The following ZC3H12C variants were observed in gnomAD, a reference collection of about 807,000 sequenced individuals.
ZC3H12C encodes zinc finger CCCH-type containing 12C.
Under a neutral mutation model 76.3 loss-of-function variants are expected in ZC3H12C, and 20 were observed. The observed-to-expected ratio is 0.26, with a 90% confidence interval of 0.18 to 0.38. ZC3H12C has a LOEUF of 0.38. ZC3H12C is among the 10% of genes least tolerant of loss of function. ZC3H12C has a pLI of 1.00. For synonymous variants in ZC3H12C, 352 were observed against 399.6 expected (o/e 0.88, Z 1.42); for missense variants, 874 against 1,086.5 (o/e 0.80, Z 2.75).
At chr11:110,093,837 T>G in intron 1 of ZC3H12C, among the ~76,000 whole-genome samples, 1 of 151,930 alleles carries the variant, frequency 6.6e-6, no homozygotes, top group Admixed American at 6.5e-5. Flanking sequence ...CGGCTCAGAC[T>G]CGCGCGCGCT....
intron 1 of ZC3H12C, among the ~76,000 whole-genome samples, chr11:110,103,492 A>C (rs1861256699): frequency 6.6e-6 from 1 of 152,340 alleles, no homozygotes; most frequent in Admixed American, 6.5e-5. Context: ...AGCTTTGCTT[A>C]AATTATTTAA....
chr11:110,127,494 A>G (rs543379568), intron 1 of ZC3H12C, among the ~76,000 whole-genome samples: 1 of 152,116 alleles, frequency 6.6e-6, no homozygotes, highest in East Asian at 1.9e-4. Flanking sequence ...TTTTTTTAAC[A>G]CTCAAAAATA....
chr11:110,165,028 A>G lies in ZC3H12C; in HGVS notation c.1943A>G (p.Tyr648Cys), dbSNP rs754699737. 1.2e-6 allele frequency: 2 copies of G among 1,613,926 alleles called. No homozygotes were observed. Among genetic ancestry groups the G allele is most frequent in the Non-Finnish European group, 1.7e-6 (2 of 1,179,892 alleles). Residue 648 changes from tyrosine to cysteine, a missense_variant, in exon 6 of 6, where the codon TAT becomes TGT. Tyr to Cys is a radical substitution (Grantham distance 194). Transcript: ENST00000278590. ...DSYVGYNDRSYVSSPDPQLEE... is the reference protein window; with the variant it reads ...DSYVGYNDRSCVSSPDPQLEE... ...TACGTGGGTTACAATGACCGGTCCTATGTCAGCTCCCCCGACCCACAGCTA... is the reference window on the plus strand; with the variant it reads ...TACGTGGGTTACAATGACCGGTCCTGTGTCAGCTCCCCCGACCCACAGCTA...
intron 1 of ZC3H12C, among the ~76,000 whole-genome samples, chr11:110,115,748 C>CTTTTTTTTTTTTTTTTTTT (rs71476067): frequency 2.5e-5 from 3 of 120,320 alleles, no homozygotes; most frequent in Non-Finnish European, 3.4e-5. Flanking sequence ...TTCTCATTTT[C>CTTTTTTTTTTTTTTTTTTT]TTTTTTTTTT....
chr11:110,130,084 G>C (rs1288608990), intron 1 of ZC3H12C, among the ~76,000 whole-genome samples: 6 of 152,182 alleles, frequency 3.9e-5, no homozygotes, highest in Middle Eastern at 3.4e-3. Flanking sequence ...CTTTTAAACA[G>C]TTATGTTGTA....
intron 2 of ZC3H12C, among the ~76,000 whole-genome samples, chr11:110,148,214 G>A (rs151277213): frequency 1.1e-4 from 17 of 152,298 alleles, no homozygotes; most frequent in African/African-American, 4.1e-4. Context: ...CCCTTTGAGT[G>A]GGGTTTTTCT....
intron 1 of ZC3H12C, among the ~76,000 whole-genome samples, chr11:110,119,147 A>G (rs1272332175): frequency 1.3e-5 from 2 of 152,228 alleles, no homozygotes; most frequent in East Asian, 3.8e-4. Flanking sequence ...GCACAGAAAT[A>G]GCAAAAGATC....
chr11:110,109,298 T>A (rs1046719151), intron 1 of ZC3H12C, among the ~76,000 whole-genome samples: 1 of 152,228 alleles, frequency 6.6e-6, no homozygotes, highest in Non-Finnish European at 1.5e-5. Flanking sequence ...ATATAAATCC[T>A]TAATAAAGCT....
At chr11:110,109,652 A>G (rs1342744361) in intron 1 of ZC3H12C, among the ~76,000 whole-genome samples, 1 of 152,078 alleles carries the variant, frequency 6.6e-6, no homozygotes. Context: ...TGCTCATTTT[A>G]ACACTTCCAA....
At chr11:110,101,847 G>A (rs539496964) in intron 1 of ZC3H12C, among the ~76,000 whole-genome samples, 8 of 152,066 alleles carry the variant, frequency 5.3e-5, no homozygotes, top group African/African-American at 1.9e-4. Context: ...ACCTCACCCA[G>A]CCCAATGCTA....
chr11:110,102,259 T>C (rs181887842), intron 1 of ZC3H12C, among the ~76,000 whole-genome samples: 78 of 149,196 alleles, frequency 5.2e-4, no homozygotes, highest in Middle Eastern at 3.4e-3. Flanking sequence ...TTTACCATAC[T>C]AGATGCCATC....
intron 2 of ZC3H12C, among the ~76,000 whole-genome samples, chr11:110,151,650 T>C (rs776317911): frequency 6.6e-6 from 1 of 152,206 alleles, no homozygotes; most frequent in Non-Finnish European, 1.5e-5. Context: ...TTTGTACCTT[T>C]TGATGGTGCA....
intron 1 of ZC3H12C, 66 bp downstream of exon 1, chr11:110,093,498 G>A (rs1458267171): frequency 8.7e-6 from 10 of 1,150,648 alleles, no homozygotes; most frequent in Non-Finnish European, 8.7e-6. Context: ...GTAGCCGGTC[G>A]TGGGGAGGGC....
chr11:110,118,080 T>TTATA (rs199887780), intron 1 of ZC3H12C, among the ~76,000 whole-genome samples: 1 of 35,978 alleles, frequency 2.8e-5, no homozygotes, highest in African/African-American at 6.3e-5. Flanking sequence ...CACATATATA[T>TTATA]TATATATATA....
chr11:110,128,613 T>G (rs547921019), intron 1 of ZC3H12C, among the ~76,000 whole-genome samples: 1 of 152,308 alleles, frequency 6.6e-6, no homozygotes, highest in South Asian at 2.1e-4. Flanking sequence ...GTTTCCTTGA[T>G]ATACACAAAA....
In ZC3H12C at chr11:110,152,374, T is replaced by A. The variant is rs576819261; in HGVS notation, c.774-545T>A. The stretch of plus-strand genomic sequence containing the variant: ...TCTATGAGATTAAGCATTGTGAACA[T>A]GTTTTTCCTTTCAGTGAGTGTATAG... On this transcript the variant is annotated intron_variant, in intron 2 of 5. Coordinates refer to ENST00000278590, the MANE Select transcript of ZC3H12C (RefSeq NM_033390.2). Among the ~76,000 whole-genome samples, 14 of 152,380 alleles carry A rather than the reference T, an allele frequency of 9.2e-5. No homozygotes were observed. In the South Asian group the frequency reaches 2.5e-3, roughly 27 times the overall value.
chr11:110,106,437 T>G (rs942721572), intron 1 of ZC3H12C, among the ~76,000 whole-genome samples: 25 of 152,238 alleles, frequency 1.6e-4, no homozygotes, highest in Non-Finnish European at 3.4e-4. Context: ...AAGCTCATTT[T>G]GTACAGTCAG....
Position 110,163,311 on chromosome 11 carries a change from C to G in ZC3H12C, c.1187C>G (p.Pro396Arg). ...PPDDPLGRHGPSLDNFLRKKP... is the reference protein window; with the variant it reads ...PPDDPLGRHGRSLDNFLRKKP... The stretch of plus-strand genomic sequence containing the variant: ...GATGACCCTCTTGGCAGACATGGCC[C>G]CAGTCTGGATAATTTTCTGAGGAAG... The change falls in exon 5 of 6, where the codon CCC (proline) becomes CGC (arginine). Residue 396 changes from proline to arginine, a missense_variant. This residue lies in a region of ZC3H12C where 269 missense variants were observed against 424.9 expected (regional missense o/e 0.63). Coordinates refer to ENST00000278590, the MANE Select transcript of ZC3H12C (RefSeq NM_033390.2). 1 of 1,613,130 alleles carries G rather than the reference C, an allele frequency of 6.2e-7. No individual in the cohort carries two copies. Among genetic ancestry groups the G allele is most frequent in the Non-Finnish European group, 8.5e-7 (1 of 1,179,626 alleles).
chr11:110,146,869 G>A (rs1178297929), intron 2 of ZC3H12C, among the ~76,000 whole-genome samples: 2 of 152,128 alleles, frequency 1.3e-5, no homozygotes, highest in East Asian at 3.9e-4. Context: ...TGCCATAAAA[G>A]TAGAGAAGAA....
Sources: allele counts gnomAD v4.1 joint callset (sites outside exome capture counted in the v4.1 genomes callset), GRCh38; gene constraint gnomAD v4.1.1; regional missense constraint gnomAD v4.1.1; transcripts MANE v1.5; gene names NCBI Gene and HGNC (gene_info 2026-07-23, HGNC 2026-07-21).